The following NRG1 variants were observed in gnomAD, a reference collection of about 807,000 sequenced individuals.
The protein encoded by NRG1 is pro-neuregulin-1, membrane-bound isoform.
A neutral mutation model predicts 63.8 loss-of-function variants in NRG1; 18 were observed. The observed-to-expected ratio is 0.28, with a 90% CI of 0.19 to 0.42. The LOEUF is 0.42. Among genes scored for constraint, NRG1 ranks in the 10% least tolerant of loss-of-function variants. NRG1 has a pLI of 1.00. For synonymous variants in NRG1, 302 were observed against 301.3 expected (o/e 1.00, Z -0.02); for missense variants, 762 against 814.7 (o/e 0.94, Z 0.79).
chr8:32,323,793 G>T (rs1801689322), intron 1 of NRG1, among the ~76,000 whole-genome samples: 1 of 152,228 alleles, frequency 6.6e-6, no homozygotes, highest in Non-Finnish European at 1.5e-5. Flanking sequence ...GGTTGGTTTT[G>T]TGAGCAGATG....
At chr8:31,912,613 A>G (rs1833044274) in intron 1 of NRG1, among the ~76,000 whole-genome samples, 1 of 145,860 alleles carries the variant, frequency 6.9e-6, no homozygotes, top group Non-Finnish European at 1.5e-5. Context: ...TTAGAAGACT[A>G]GAATGACGTT....
intron 1 of NRG1, among the ~76,000 whole-genome samples, chr8:32,128,031 A>G (rs1834329327): frequency 6.6e-6 from 1 of 151,968 alleles, no homozygotes; most frequent in South Asian, 2.1e-4. Flanking sequence ...TAATCTAGTC[A>G]AATGTAATGA....
intron 1 of NRG1, among the ~76,000 whole-genome samples, chr8:31,915,964 T>C (rs993217319): frequency 6.6e-6 from 1 of 152,164 alleles, no homozygotes; most frequent in South Asian, 2.1e-4. Flanking sequence ...CTACCAAGCA[T>C]ATTCTGGAAC....
intron 1 of NRG1, among the ~76,000 whole-genome samples, chr8:32,032,144 C>T: frequency 6.6e-6 from 1 of 152,160 alleles, no homozygotes; most frequent in East Asian, 1.9e-4. Context: ...AATCTCCATT[C>T]TAATTGGCAT....
chr8:31,844,825 A>T (rs1826526661), intron 1 of NRG1, among the ~76,000 whole-genome samples: 2 of 138,214 alleles, frequency 1.4e-5, no homozygotes, highest in African/African-American at 2.5e-5. Flanking sequence ...AAAGGGAATT[A>T]AAAAAAAATG....
chr8:32,714,901 T>C (rs575986083), intron 5 of NRG1, among the ~76,000 whole-genome samples: 5 of 152,334 alleles, frequency 3.3e-5, no homozygotes, highest in Admixed American at 3.3e-4. Context: ...TCAGTGGCTG[T>C]GATAGACCCA....
chr8:32,713,966 A>G (rs536663952), intron 5 of NRG1, among the ~76,000 whole-genome samples: 1 of 152,036 alleles, frequency 6.6e-6, no homozygotes, highest in Admixed American at 6.5e-5. Context: ...CTGGGATTAC[A>G]GGCACACACC....
chr8:32,630,106 C>T (rs1483812063), intron 5 of NRG1, among the ~76,000 whole-genome samples: 1 of 152,164 alleles, frequency 6.6e-6, no homozygotes, highest in East Asian at 1.9e-4. Flanking sequence ...GTGTTCTTTT[C>T]ACCCACAGAT....
At chr8:31,841,599 A>G (rs1826208896) in intron 1 of NRG1, among the ~76,000 whole-genome samples, 1 of 152,210 alleles carries the variant, frequency 6.6e-6, no homozygotes, top group South Asian at 2.1e-4. Flanking sequence ...AAAGGGTGCC[A>G]GCCTATTATA....
intron 1 of NRG1, among the ~76,000 whole-genome samples, chr8:31,642,316 C>G (rs976550860): frequency 2.0e-5 from 3 of 152,170 alleles, no homozygotes; most frequent in African/African-American, 7.2e-5. Flanking sequence ...AGGATTTTTC[C>G]TTTATCCCAA....
exon 11 of NRG1, chr8:32,760,264 G>A (rs757580752): frequency 3.7e-6 from 6 of 1,613,912 alleles, no homozygotes; most frequent in African/African-American, 2.7e-5. Context: ...GATGTCATCC[G>A]TAGAAAACAG....
intron 1 of NRG1, among the ~76,000 whole-genome samples, chr8:32,520,676 A>C (rs1157742934): frequency 6.6e-6 from 1 of 152,232 alleles, no homozygotes; most frequent in Admixed American, 6.5e-5. Context: ...AGAATACAGT[A>C]GTCCCCCCTT....
rs76645049 is a variant in NRG1, at chr8:32,003,537, A to G, written c.37+364106A>G. 7.9e-5 allele frequency among the ~76,000 whole-genome samples: 12 copies of G among 152,222 alleles called. No individual in the cohort carries two copies. In the East Asian group the frequency reaches 2.1e-3, roughly 27 times the overall value. ...AACAAATGAAATATAGAAATGATAG[A>G]AAAAGTGAAATAAAGAGAAGACATT... is the stretch of plus-strand genomic sequence containing the variant. On this transcript the variant is annotated intron_variant, in intron 1 of 10. Coordinates refer to the NRG1 transcript ENST00000519301.
At chr8:32,386,974 A>T (rs10954837) in intron 1 of NRG1, among the ~76,000 whole-genome samples, 58,408 of 152,056 alleles carry the variant, frequency 0.38, 11,908 homozygotes, top group Admixed American at 0.45. Flanking sequence ...ATGTAAAAAA[A>T]AATTGCTAGT....
chr8:32,022,986 A>C (rs1389220405), intron 1 of NRG1, among the ~76,000 whole-genome samples: 1 of 152,194 alleles, frequency 6.6e-6, no homozygotes, highest in African/African-American at 2.4e-5. Flanking sequence ...ATATATTTGT[A>C]CCATAAAATA....
chr8:31,640,953 C>T lies in NRG1; in HGVS notation c.37+1522C>T, dbSNP rs1803709773. On this transcript the variant is annotated intron_variant, in intron 1 of 10. Coordinates refer to the NRG1 transcript ENST00000519301. This position sits in a 1 kb window ranked among gnomAD's most constrained non-coding sequence, Gnocchi z 6.3. ...CCACTGGAGAAAGCCCAAGTTTAGT[C>T]CTGGGTTGGGGCCTCCTGAAACTTT... is the stretch of plus-strand genomic sequence containing the variant. Among the ~76,000 whole-genome samples the T allele has an allele frequency of 1.3e-5, 2 of 152,206 alleles. No individual in the cohort carries two copies. The highest frequency in any genetic ancestry group is 2.4e-5 in the African/African-American group (1 of 41,462).
rs577787683 is a variant in NRG1 at position 32,558,290 on chromosome 8, A to G, written c.100+9464A>G. Among the ~76,000 whole-genome samples the G allele has an allele frequency of 4.6e-5, 7 of 152,326 alleles. No individual in the cohort carries two copies. In the East Asian group the frequency reaches 1.4e-3, roughly 29 times the overall value. On this transcript the variant is annotated intron_variant, in intron 1 of 11. Coordinates refer to ENST00000356819, the Ensembl canonical transcript of NRG1. ...ATATGCTACTGATTACAGAATAAAT[A>G]TTATGCATTCGGTTTTCACTAAACT... is the stretch of plus-strand genomic sequence containing the variant.
chr8:32,301,721 C>A (rs1855582546), intron 1 of NRG1, among the ~76,000 whole-genome samples: 1 of 152,108 alleles, frequency 6.6e-6, no homozygotes, highest in African/African-American at 2.4e-5. Context: ...TTTTGAAAAC[C>A]ATCAGATCTC....
At chr8:32,722,123 G>A in intron 5 of NRG1, 1 of 1,171,588 alleles carries the variant, frequency 8.5e-7, no homozygotes, top group Non-Finnish European at 1.2e-6. Context: ...ATTTTATTAA[G>A]CAAATGGCGT....
Sources: allele counts gnomAD v4.1 joint callset (sites outside exome capture counted in the v4.1 genomes callset), GRCh38; gene constraint gnomAD v4.1.1; non-coding constraint Gnocchi (gnomAD v3.1); transcripts MANE v1.5; gene names NCBI Gene and HGNC (gene_info 2026-07-23, HGNC 2026-07-21).